The following SPATA18 variants were observed in gnomAD, a reference collection of about 807,000 sequenced individuals.
SPATA18 encodes the protein mitochondria-eating protein.
In SPATA18, 54 loss-of-function variants were observed where a neutral mutation model predicts 68.1. The ratio of observed to expected loss-of-function variants is 0.79; its 90% CI spans 0.64 to 0.99. The LOEUF (loss-of-function observed/expected upper bound fraction) is 0.99. Among genes scored for constraint, SPATA18 ranks in the 50% least tolerant of loss-of-function variants. The pLI is 0.00. For synonymous variants in SPATA18, 242 were observed against 244.8 expected (o/e 0.99, Z 0.11); for missense variants, 724 against 681.1 (o/e 1.06, Z -0.70).
rs376876828 is a variant in SPATA18, at chr4:52,086,260, C to T, written c.1563+1261C>T. Among the ~76,000 whole-genome samples the T allele has an allele frequency of 2.2e-4, 33 of 152,196 alleles. 1 individual carries two copies. In the South Asian group the frequency reaches 6.4e-3, roughly 30 times the overall value. On this transcript the variant is annotated intron_variant, in intron 11 of 12. Transcript: ENST00000295213. ...CAGTTGATGAAACCCAGCTTCCTTA[C>T]TGACTTTTTTCTTTTATACTTTAAG...
At chr4:52,070,765 G>T (rs1432670030) in intron 5 of SPATA18, among the ~76,000 whole-genome samples, 2 of 152,010 alleles carry the variant, frequency 1.3e-5, no homozygotes. Context: ...ATATTAGCCT[G>T]CAAAGGCAAA....
chr4:52,063,164 T>A (rs1739034445), intron 4 of SPATA18, among the ~76,000 whole-genome samples: 1 of 152,152 alleles, frequency 6.6e-6, no homozygotes, highest in Non-Finnish European at 1.5e-5. Context: ...TTAAAAAAAA[T>A]TAATAACTAG....
intron 12 of SPATA18, 83 bp downstream of exon 12, chr4:52,094,655 T>A: frequency 1.4e-6 from 2 of 1,415,414 alleles, no homozygotes; most frequent in Non-Finnish European, 2.0e-6. Context: ...GCAAAATGAA[T>A]GCTTTGCTTC....
At chr4:52,056,015 T>G (rs1307556873) in intron 1 of SPATA18, among the ~76,000 whole-genome samples, 1 of 152,206 alleles carries the variant, frequency 6.6e-6, no homozygotes, top group Non-Finnish European at 1.5e-5. Context: ...TTCGGCCTCC[T>G]TATTCTTCTT....
At chr4:52,065,785 T>C (rs1336897975) in intron 4 of SPATA18, among the ~76,000 whole-genome samples, 1 of 152,166 alleles carries the variant, frequency 6.6e-6, no homozygotes, top group Non-Finnish European at 1.5e-5. Flanking sequence ...TCTGACTTAG[T>C]TCCAAAATGC....
intron 11 of SPATA18, among the ~76,000 whole-genome samples, chr4:52,088,488 C>T (rs7666832): frequency 6.6e-6 from 1 of 151,420 alleles, no homozygotes; most frequent in African/African-American, 2.4e-5. Flanking sequence ...AGCATGAAGG[C>T]GTGTGGAATT....
intron 11 of SPATA18, among the ~76,000 whole-genome samples, chr4:52,091,767 A>T (rs1741982676): frequency 6.6e-6 from 1 of 152,196 alleles, no homozygotes; most frequent in South Asian, 2.1e-4. Context: ...TCCACTTGAG[A>T]AGGTAGACTG....
chr4:52,066,912 A>C (rs1367456082), intron 4 of SPATA18, among the ~76,000 whole-genome samples: 1 of 152,198 alleles, frequency 6.6e-6, no homozygotes, highest in African/African-American at 2.4e-5. Flanking sequence ...ATTGATGGGC[A>C]TTTGGGCTGA....
chr4:52,076,629 T>A (rs1035252482), intron 6 of SPATA18, 150 bp from the exon 7 acceptor site: 1 of 985,918 alleles, frequency 1.0e-6, no homozygotes, highest in Non-Finnish European at 1.5e-6. Context: ...GATGCTGGAG[T>A]CAGATAATAG....
chr4:52,077,491 A>C (rs1357114784), intron 7 of SPATA18, among the ~76,000 whole-genome samples: 1 of 151,396 alleles, frequency 6.6e-6, no homozygotes, highest in Non-Finnish European at 1.5e-5. Context: ...ATCGATAACT[A>C]TTCATATATA....
At chr4:52,084,034 C>A (rs770264156) in intron 10 of SPATA18, among the ~76,000 whole-genome samples, 1 of 136,344 alleles carries the variant, frequency 7.3e-6, no homozygotes, top group Non-Finnish European at 1.6e-5. Flanking sequence ...CCACCACACC[C>A]GGCCTGAGAT....
intron 4 of SPATA18, among the ~76,000 whole-genome samples, chr4:52,065,232 C>T (rs779236339): frequency 1.6e-4 from 24 of 151,920 alleles, no homozygotes; most frequent in Non-Finnish European, 3.1e-4. Context: ...CTGTTTACTC[C>T]GCTGAGCAGA....
chr4:52,053,462 TC>T (rs991380035), intron 1 of SPATA18, among the ~76,000 whole-genome samples: 2 of 152,062 alleles, frequency 1.3e-5, no homozygotes, highest in Non-Finnish European at 2.9e-5. Context: ...CCTGTATTCT[TC>T]CCCCTCCACT....
At chr4:52,065,233 G>A (rs1056741660) in intron 4 of SPATA18, among the ~76,000 whole-genome samples, 3 of 151,938 alleles carry the variant, frequency 2.0e-5, no homozygotes, top group African/African-American at 7.3e-5. Flanking sequence ...TGTTTACTCC[G>A]CTGAGCAGAA....
At chr4:52,077,062 C>A in intron 7 of SPATA18, 22 bp downstream of exon 7, 1 of 1,575,112 alleles carries the variant, frequency 6.3e-7, no homozygotes. Context: ...CTGCGGGACT[C>A]CCGGCTCCTT....
chr4:52,080,047 C>T, intron 9 of SPATA18, 128 bp downstream of exon 9: 1 of 983,360 alleles, frequency 1.0e-6, no homozygotes, highest in South Asian at 1.6e-5. Context: ...ATTTTCAGGC[C>T]CTACCATATA....
chr4:52,060,972 A>C, intron 3 of SPATA18, 75 bp downstream of exon 3: 1 of 1,213,452 alleles, frequency 8.2e-7, no homozygotes, highest in Non-Finnish European at 1.2e-6. Context: ...CAAGAGAAGA[A>C]GAGGACTTGA....
intron 6 of SPATA18, among the ~76,000 whole-genome samples, chr4:52,074,869 T>A (rs1216524190): frequency 6.6e-6 from 1 of 152,098 alleles, no homozygotes; most frequent in Non-Finnish European, 1.5e-5. Flanking sequence ...GAAGGTGTGA[T>A]AAGAAGACTT....
At chr4:52,061,243 G>T (rs998979884) in intron 3 of SPATA18, among the ~76,000 whole-genome samples, 2 of 151,934 alleles carry the variant, frequency 1.3e-5, no homozygotes, top group Admixed American at 6.6e-5. Flanking sequence ...AACATCACAT[G>T]TTCTCACTCA....
Sources: allele counts gnomAD v4.1 joint callset (sites outside exome capture counted in the v4.1 genomes callset), GRCh38; gene constraint gnomAD v4.1.1; transcripts MANE v1.5; gene names NCBI Gene and HGNC (gene_info 2026-07-23, HGNC 2026-07-21).